Variants in FRMD4A observed in about 807,000 individuals in gnomAD.
FRMD4A encodes the protein FERM domain-containing protein 4A.
Under a neutral mutation model 129.1 loss-of-function variants are expected in FRMD4A, and 29 were observed. The observed-to-expected ratio is 0.22, with a 90% confidence interval of 0.17 to 0.31. The LOEUF (loss-of-function observed/expected upper bound fraction) is 0.31. FRMD4A is among the 10% of genes least tolerant of loss of function. FRMD4A has a pLI of 1.00. For synonymous variants in FRMD4A, 634 were observed against 571.6 expected, an observed-to-expected ratio of 1.11 and a Z score of -1.56; for missense variants, 1,272 against 1,375.8, an observed-to-expected ratio of 0.92 and a Z score of 1.19.
intron 2 of FRMD4A, among the ~76,000 whole-genome samples, chr10:14,088,717 C>T (rs1040447573): frequency 1.1e-4 from 15 of 137,114 alleles, no homozygotes; most frequent in Admixed American, 2.5e-4. Flanking sequence ...ACCCAGGAGG[C>T]GGAGCTTGCC....
rs34942226 is a variant in FRMD4A at position 13,695,148 on chromosome 10, A to AT, written c.976-1110dup. Reference sequence around the variant, plus strand: ...AAAAGCAGCGGTTTTTCAAAAAAAAATTTTTTTTTTTTTTGAGACAGAGTC... The same window carrying AT: ...AAAAGCAGCGGTTTTTCAAAAAAAAATTTTTTTTTTTTTTTGAGACAGAGTC... On this transcript the variant is annotated intron_variant, in intron 14 of 24. Coordinates refer to ENST00000357447, the MANE Select transcript of FRMD4A (RefSeq NM_018027.5). 2.7e-3 allele frequency among the ~76,000 whole-genome samples: 403 copies of AT among 147,312 alleles called. 1 individual carries two copies. Among genetic ancestry groups the AT allele is most frequent in the African/African-American group, 4.3e-3 (171 of 40,192 alleles).
Position 14,227,115 on chromosome 10 carries a change from A to G in FRMD4A, c.45+102943T>C, listed in dbSNP as rs116262731. Among the ~76,000 whole-genome samples, 232 of 152,072 alleles carry G rather than the reference A, an allele frequency of 1.5e-3. 1 individual carries two copies. The highest frequency in any genetic ancestry group is 5.4e-3 in the African/African-American group (222 of 41,488). ...CTACTTCCAATTCCCTGAAGGTGCC[A>G]AGCTTTCCTCTTGCACCCAGGCACT... On this transcript the variant is annotated intron_variant, in intron 2 of 24. Transcript: ENST00000357447.
chr10:14,135,371 A>G (rs868577986), intron 2 of FRMD4A, among the ~76,000 whole-genome samples: 9 of 152,198 alleles, frequency 5.9e-5, no homozygotes, highest in Non-Finnish European at 1.0e-4. Context: ...CTGTGTTCAA[A>G]TAAGGCAAAC....
At chr10:13,985,308 G>T (rs1189862428) in intron 2 of FRMD4A, among the ~76,000 whole-genome samples, 1 of 152,196 alleles carries the variant, frequency 6.6e-6, no homozygotes, top group East Asian at 1.9e-4. Flanking sequence ...AGCCTTGGTG[G>T]TAAGGTCAGC....
intron 5 of FRMD4A, among the ~76,000 whole-genome samples, chr10:13,788,720 CCGAGAATATT>C (rs1373158911): frequency 5.3e-5 from 8 of 152,198 alleles, no homozygotes; most frequent in African/African-American, 1.9e-4. Context: ...TGATCCCGAC[CCGAGAATATT>C]TTATCAGAGA....
chr10:13,920,516 A>C (rs2095059293), intron 2 of FRMD4A, among the ~76,000 whole-genome samples: 1 of 152,230 alleles, frequency 6.6e-6, no homozygotes, highest in Non-Finnish European at 1.5e-5. Context: ...CCTACATTAC[A>C]ATACAACCTT....
At chr10:14,227,674 A>T (rs1843492106) in intron 2 of FRMD4A, among the ~76,000 whole-genome samples, 1 of 152,106 alleles carries the variant, frequency 6.6e-6, no homozygotes, top group Non-Finnish European at 1.5e-5. Flanking sequence ...CTCATAAAAT[A>T]CTGAAATACC....
At chr10:14,317,459 T>C (rs1272189887) in intron 2 of FRMD4A, among the ~76,000 whole-genome samples, 1 of 152,222 alleles carries the variant, frequency 6.6e-6, no homozygotes, top group Non-Finnish European at 1.5e-5. Context: ...CTGTGCTTTA[T>C]AGCATTTTGA....
intron 2 of FRMD4A, chr10:13,891,773 C>T (rs1263159337): frequency 4.1e-6 from 4 of 977,958 alleles, no homozygotes; most frequent in Non-Finnish European, 4.9e-6. Context: ...CGCCCCGTCC[C>T]CGCCGCCGCC....
At chr10:13,687,899 A>G (rs60439598) in intron 15 of FRMD4A, among the ~76,000 whole-genome samples, 3,564 of 152,250 alleles carry the variant, frequency 0.023, 143 homozygotes, top group African/African-American at 0.082. Flanking sequence ...TTTTCTTCCA[A>G]CACAGGCTTA....
chr10:13,964,735 G>C lies in FRMD4A; in HGVS notation c.46-105823C>G, dbSNP rs569991286. Among the ~76,000 whole-genome samples the C allele has an allele frequency of 9.4e-4, 139 of 148,396 alleles. No individual in the cohort carries two copies. In the Middle Eastern group the frequency reaches 0.01, roughly 11 times the overall value. On this transcript the variant is annotated intron_variant, in intron 2 of 24. Transcript: ENST00000357447. ...TCACCAGGCTGGAGTGCAATGGCGC[G>C]ATCTCAGCTCACTGCAACCTCTGCC...
intron 3 of FRMD4A, among the ~76,000 whole-genome samples, chr10:13,836,905 C>A (rs1246215886): frequency 3.3e-5 from 5 of 149,282 alleles, no homozygotes; most frequent in African/African-American, 1.2e-4. Flanking sequence ...CTACAGGCAC[C>A]CGCCACCACG....
chr10:13,965,587 T>C (rs2095480696), intron 2 of FRMD4A, among the ~76,000 whole-genome samples: 1 of 152,242 alleles, frequency 6.6e-6, no homozygotes, highest in Non-Finnish European at 1.5e-5. Flanking sequence ...GGCACATATC[T>C]GTAATCTTAC....
At chr10:14,327,948 T>C (rs1257039078) in intron 2 of FRMD4A, among the ~76,000 whole-genome samples, 6 of 152,178 alleles carry the variant, frequency 3.9e-5, no homozygotes, top group Admixed American at 3.3e-4. Flanking sequence ...TGGCCTCTTT[T>C]CCTCCTTTCT....
At chr10:14,040,605 T>TG (rs1028423531) in intron 2 of FRMD4A, among the ~76,000 whole-genome samples, 40 of 152,316 alleles carry the variant, frequency 2.6e-4, no homozygotes, top group African/African-American at 9.6e-4. Context: ...TGGCCTTACT[T>TG]GGCCTGTTTG....
At chr10:14,107,053 C>T (rs1363191247) in intron 2 of FRMD4A, among the ~76,000 whole-genome samples, 2 of 152,176 alleles carry the variant, frequency 1.3e-5, no homozygotes, top group Non-Finnish European at 2.9e-5. Context: ...TTTGCAGCAA[C>T]ATGGATACAG....
intron 2 of FRMD4A, among the ~76,000 whole-genome samples, chr10:14,251,104 A>G (rs1292474369): frequency 3.9e-5 from 6 of 152,104 alleles, no homozygotes; most frequent in Non-Finnish European, 5.9e-5. Flanking sequence ...ACAGCCCCCA[A>G]TGACCCCACC....
chr10:13,858,297 T>C (rs2094241411), intron 3 of FRMD4A, among the ~76,000 whole-genome samples: 2 of 152,094 alleles, frequency 1.3e-5, no homozygotes, highest in Admixed American at 6.5e-5. Context: ...TAGCCAGGAA[T>C]GGTGGCACAT....
intron 2 of FRMD4A, among the ~76,000 whole-genome samples, chr10:13,965,054 G>A (rs1409917545): frequency 6.9e-6 from 1 of 145,110 alleles, no homozygotes; most frequent in Non-Finnish European, 1.5e-5. Context: ...ACATTGGAAT[G>A]ACCACTGGGC....
Sources: allele counts gnomAD v4.1 joint callset (sites outside exome capture counted in the v4.1 genomes callset), GRCh38; gene constraint gnomAD v4.1.1; transcripts MANE v1.5; gene names NCBI Gene and HGNC (gene_info 2026-07-23, HGNC 2026-07-21).